The following ERC1 variants were observed in gnomAD, a reference collection of about 807,000 sequenced individuals.
The protein encoded by ERC1 is RAB6 interacting protein 2.
A neutral mutation model predicts 132.0 loss-of-function variants in ERC1; 56 were observed. The ratio of observed to expected loss-of-function variants is 0.42; its 90% CI spans 0.34 to 0.53. The LOEUF is 0.53. Ranked by LOEUF, ERC1 falls within the 20% of genes least tolerant of loss-of-function variation. The pLI is 0.03. For missense variants in ERC1, 1,202 were observed against 1,349.9 expected (o/e 0.89, Z 1.72); for synonymous variants, 478 against 476.1 (o/e 1.00, Z -0.05).
chr12:1,243,795 C>T (rs1334874720), intron 13 of ERC1, among the ~76,000 whole-genome samples: 1 of 152,164 alleles, frequency 6.6e-6, no homozygotes, highest in East Asian at 1.9e-4. Flanking sequence ...TCTCGGCCCA[C>T]ACTGCAAATA....
intron 15 of ERC1, among the ~76,000 whole-genome samples, chr12:1,341,234 C>T (rs2083857066): frequency 1.3e-5 from 2 of 151,482 alleles, no homozygotes; most frequent in South Asian, 2.1e-4. Flanking sequence ...GCTGGGACTA[C>T]AGGCGCACGC....
chr12:1,494,975 GAC>G lies in ERC1; in HGVS notation c.*4748_*4749del. 4.3e-6 allele frequency: 1 copy of G among 230,736 alleles called. No homozygotes were observed. The highest frequency in any genetic ancestry group is 8.6e-6 in the Non-Finnish European group (1 of 116,520). 14.3% of individuals were successfully genotyped at this position (230,736 alleles called of 1,614,324 possible). On this transcript the variant is annotated 3_prime_UTR_variant, in exon 19 of 19. Transcript: ENST00000360905. ...TAGGGTAGTGCCTGCCTGGGCAAGA[GAC>G]ACCTGCCGAGCAAAAGGAACGAGAA...
intron 1 of ERC1, among the ~76,000 whole-genome samples, chr12:1,015,658 T>A (rs1018995046): frequency 6.6e-6 from 1 of 152,226 alleles, no homozygotes; most frequent in Non-Finnish European, 1.5e-5. Context: ...AGTGGGATTT[T>A]AAATTTTTGG....
intron 15 of ERC1, among the ~76,000 whole-genome samples, chr12:1,317,803 A>C (rs1215731457): frequency 6.6e-6 from 1 of 152,220 alleles, no homozygotes; most frequent in Non-Finnish European, 1.5e-5. Flanking sequence ...AAGCAGCTTC[A>C]AAGCAGCAAA....
intron 1 of ERC1, among the ~76,000 whole-genome samples, chr12:1,024,321 C>T (rs12424686): frequency 0.034 from 5,240 of 152,136 alleles, 93 homozygotes; most frequent in Middle Eastern, 0.061. Flanking sequence ...GTTGAGGCCA[C>T]GGTGAGCTGT....
At chr12:1,258,782 T>G (rs1188466562) in intron 13 of ERC1, among the ~76,000 whole-genome samples, 2 of 152,226 alleles carry the variant, frequency 1.3e-5, no homozygotes, top group Non-Finnish European at 2.9e-5. Flanking sequence ...CTGACCCACT[T>G]CTGTAAAATA....
intron 13 of ERC1, among the ~76,000 whole-genome samples, chr12:1,252,551 T>C (rs2076533650): frequency 6.6e-6 from 1 of 152,178 alleles, no homozygotes; most frequent in African/African-American, 2.4e-5. Flanking sequence ...GTAAAATTTA[T>C]TGATATAAAG....
chr12:1,445,885 C>A (rs1419592161), intron 18 of ERC1, among the ~76,000 whole-genome samples: 1 of 152,182 alleles, frequency 6.6e-6, no homozygotes, highest in Non-Finnish European at 1.5e-5. Context: ...CAAAGTAACA[C>A]AGACAGGGTG....
At chr12:1,182,817 A>G (rs1441632549) in intron 10 of ERC1, among the ~76,000 whole-genome samples, 1 of 146,870 alleles carries the variant, frequency 6.8e-6, no homozygotes, top group Non-Finnish European at 1.5e-5. Flanking sequence ...GTGCACTACC[A>G]TGCCCAGCTA....
intron 16 of ERC1, among the ~76,000 whole-genome samples, chr12:1,394,195 T>C (rs546939718): frequency 1.3e-5 from 2 of 150,890 alleles, no homozygotes; most frequent in African/African-American, 4.9e-5. Flanking sequence ...GGTCAGGAGA[T>C]CGAGACCATC....
At chr12:1,467,517 T>C (rs73599994) in intron 18 of ERC1, among the ~76,000 whole-genome samples, 2,536 of 152,258 alleles carry the variant, frequency 0.017, 68 homozygotes, top group African/African-American at 0.058. Context: ...TCTCCAACTT[T>C]AGGCTACCTG....
intron 1 of ERC1, among the ~76,000 whole-genome samples, chr12:1,013,465 A>G (rs1156889151): frequency 6.6e-6 from 1 of 152,040 alleles, no homozygotes; most frequent in Non-Finnish European, 1.5e-5. Flanking sequence ...GTAACTGACA[A>G]GTGTTAAGAT....
intron 16 of ERC1, among the ~76,000 whole-genome samples, chr12:1,407,244 G>A (rs568791776): frequency 3.3e-5 from 5 of 152,042 alleles, no homozygotes; most frequent in South Asian, 2.1e-4. Flanking sequence ...TTTAAGACTC[G>A]AATTGTTTAT....
intron 18 of ERC1, among the ~76,000 whole-genome samples, chr12:1,471,084 A>G (rs2093851182): frequency 6.6e-6 from 1 of 152,148 alleles, no homozygotes; most frequent in Non-Finnish European, 1.5e-5. Flanking sequence ...CTCCCGTGCT[A>G]TTCAGCTCCC....
chr12:1,040,499 G>T (rs1409633813), intron 2 of ERC1, among the ~76,000 whole-genome samples: 16 of 151,696 alleles, frequency 1.1e-4, no homozygotes, highest in Admixed American at 1.1e-3. Context: ...GTGGAGACGG[G>T]ATTTCACCGT....
chr12:1,459,607 T>G (rs1193514422), intron 18 of ERC1, among the ~76,000 whole-genome samples: 2 of 152,226 alleles, frequency 1.3e-5, no homozygotes, highest in Non-Finnish European at 2.9e-5. Context: ...AGTGACTGAT[T>G]TAGGCAGGTA....
intron 16 of ERC1, among the ~76,000 whole-genome samples, chr12:1,382,652 T>C (rs759005306): frequency 6.6e-6 from 1 of 152,196 alleles, no homozygotes; most frequent in Non-Finnish European, 1.5e-5. Context: ...AGTCTAAAAT[T>C]CATTATTTTC....
At chr12:1,188,087 A>G (rs1421410041) in intron 11 of ERC1, among the ~76,000 whole-genome samples, 1 of 152,186 alleles carries the variant, frequency 6.6e-6, no homozygotes, top group Non-Finnish European at 1.5e-5. Context: ...AATTATTAGA[A>G]ATCAGAATTA....
chr12:1,296,399 G>GTTTTTTTTT (rs2079938073), intron 15 of ERC1, among the ~76,000 whole-genome samples: 2 of 117,878 alleles, frequency 1.7e-5, no homozygotes, highest in Non-Finnish European at 3.5e-5. Context: ...TTATTGGATA[G>GTTTTTTTTT]TCTTTTTTTT....
Sources: allele counts gnomAD v4.1 joint callset (sites outside exome capture counted in the v4.1 genomes callset), GRCh38; gene constraint gnomAD v4.1.1; transcripts MANE v1.5; gene names NCBI Gene and HGNC (gene_info 2026-07-23, HGNC 2026-07-21).